The following SMOC1 variants were observed in gnomAD, a reference collection of about 807,000 sequenced individuals.
SMOC1 encodes the protein SPARC-related modular calcium-binding protein 1.
In SMOC1, 22 loss-of-function variants were observed where a neutral mutation model predicts 56.3. The observed-to-expected ratio is 0.39, with a 90% CI of 0.28 to 0.56. The LOEUF is 0.56. SMOC1 is among the 20% of genes least tolerant of loss of function. The pLI, the probability that SMOC1 is intolerant of heterozygous loss-of-function variation, is 0.61. For missense variants in SMOC1, 509 were observed against 565.4 expected, an observed-to-expected ratio of 0.90 and a Z score of 1.01; for synonymous variants, 193 against 215.0, an observed-to-expected ratio of 0.90 and a Z score of 0.89.
At chr14:69,999,188 CTCT>C (rs1884879938) in intron 7 of SMOC1, among the ~76,000 whole-genome samples, 1 of 152,182 alleles carries the variant, frequency 6.6e-6, no homozygotes, top group Non-Finnish European at 1.5e-5. Flanking sequence ...CAGAGTGCTG[CTCT>C]TCTAGGCCTG....
chr14:70,001,778 T>C (rs763454398), intron 7 of SMOC1, among the ~76,000 whole-genome samples: 65 of 152,342 alleles, frequency 4.3e-4, no homozygotes, highest in Non-Finnish European at 3.8e-4. Flanking sequence ...ATCTTCACAA[T>C]GACCCTGTGA....
intron 2 of SMOC1, among the ~76,000 whole-genome samples, 178 bp from the exon 3 acceptor site, chr14:69,953,242 A>AC (rs1240516680): frequency 6.6e-6 from 1 of 152,186 alleles, no homozygotes; most frequent in African/African-American, 2.4e-5. Context: ...TCTATGAATG[A>AC]CATACGGGGA....
chr14:69,970,579 C>A (rs973698679), intron 3 of SMOC1, among the ~76,000 whole-genome samples: 1 of 152,168 alleles, frequency 6.6e-6, no homozygotes, highest in African/African-American at 2.4e-5. Context: ...AATGCATAGA[C>A]CTTTGATGGT....
At chr14:69,910,170 T>C (rs979048319) in intron 1 of SMOC1, among the ~76,000 whole-genome samples, 1 of 152,268 alleles carries the variant, frequency 6.6e-6, no homozygotes, top group Non-Finnish European at 1.5e-5. Context: ...GTGTTTTACA[T>C]AGACTCTCAT....
chr14:70,030,427 C>A lies in SMOC1; in HGVS notation c.*169C>A. 2.9e-6 allele frequency: 2 copies of A among 691,082 alleles called. No homozygotes were observed. Among genetic ancestry groups the A allele is most frequent in the Non-Finnish European group, 4.8e-6 (2 of 418,806 alleles). The allele number at this position is 691,082 out of a possible 1,614,324, so 42.8% of individuals were successfully genotyped here. ...TACTTGCGTGTTTTGTTTTTGGTTT[C>A]ATTTTAAAACACCAATATCTAATAC... On this transcript the variant is annotated 3_prime_UTR_variant, in exon 12 of 12. Coordinates refer to ENST00000361956, the MANE Select transcript of SMOC1 (RefSeq NM_001034852.3).
At chr14:69,886,095 G>C in intron 1 of SMOC1, 1 of 1,569,002 alleles carries the variant, frequency 6.4e-7, no homozygotes, top group Non-Finnish European at 8.7e-7. Context: ...ACGACAGCTG[G>C]GGCCGGAGCC....
At chr14:69,891,862 G>A (rs986302410) in intron 1 of SMOC1, among the ~76,000 whole-genome samples, 4 of 152,042 alleles carry the variant, frequency 2.6e-5, no homozygotes, top group South Asian at 2.1e-4. Flanking sequence ...AGTATGACCC[G>A]CATAAAAATT....
chr14:69,910,435 A>G (rs935578892), intron 1 of SMOC1, among the ~76,000 whole-genome samples: 6 of 152,202 alleles, frequency 3.9e-5, no homozygotes, highest in Non-Finnish European at 8.8e-5. Flanking sequence ...CTTTCTGGAC[A>G]GGTTTTTATT....
chr14:69,975,285 G>C (rs945662093), intron 3 of SMOC1, among the ~76,000 whole-genome samples: 1 of 152,178 alleles, frequency 6.6e-6, no homozygotes, highest in African/African-American at 2.4e-5. Flanking sequence ...AGAGGGTGCA[G>C]TGAGCTGAGA....
chr14:69,986,216 A>T (rs975731375), intron 5 of SMOC1, among the ~76,000 whole-genome samples: 1 of 152,228 alleles, frequency 6.6e-6, no homozygotes, highest in Admixed American at 6.5e-5. Context: ...CATTATAGAG[A>T]TGGAGAACAG....
At chr14:69,973,338 C>A (rs1472599604) in intron 3 of SMOC1, among the ~76,000 whole-genome samples, 1 of 152,228 alleles carries the variant, frequency 6.6e-6, no homozygotes, top group Non-Finnish European at 1.5e-5. Flanking sequence ...ACTTCCTTAC[C>A]TTCAGGTTTC....
At chr14:69,984,756 G>A (rs10140592) in intron 5 of SMOC1, among the ~76,000 whole-genome samples, 6,968 of 151,670 alleles carry the variant, frequency 0.046, 365 homozygotes, top group African/African-American at 0.13. Flanking sequence ...TCAGGAGGCC[G>A]CGAGGCAGGA....
chr14:69,992,081 G>A (rs552362340), intron 5 of SMOC1, among the ~76,000 whole-genome samples: 1 of 152,076 alleles, frequency 6.6e-6, no homozygotes, highest in African/African-American at 2.4e-5. Context: ...GGGAGATACT[G>A]CCTCCCAGTT....
chr14:69,971,211 T>G (rs2139489607), intron 3 of SMOC1, among the ~76,000 whole-genome samples: 1 of 152,182 alleles, frequency 6.6e-6, no homozygotes. Context: ...AGAGACGGGG[T>G]TTCACCATGT....
chr14:70,024,830 A>G (rs1409326577), intron 11 of SMOC1, among the ~76,000 whole-genome samples: 1 of 152,220 alleles, frequency 6.6e-6, no homozygotes, highest in Non-Finnish European at 1.5e-5. Context: ...GAGAATTGAT[A>G]GTATCAGTTT....
intron 7 of SMOC1, among the ~76,000 whole-genome samples, chr14:69,999,330 C>A (rs936291389): frequency 6.6e-6 from 1 of 152,156 alleles, no homozygotes; most frequent in Non-Finnish European, 1.5e-5. Context: ...TCCCCACCCC[C>A]CAAGCCAGCA....
chr14:69,951,822 C>A (rs1032169612), intron 1 of SMOC1, among the ~76,000 whole-genome samples: 6 of 152,220 alleles, frequency 3.9e-5, no homozygotes, highest in Non-Finnish European at 1.5e-5. Flanking sequence ...CGTCTCTGGG[C>A]TTCAGTTTCC....
chr14:69,943,495 C>T (rs1449572765), intron 1 of SMOC1, among the ~76,000 whole-genome samples: 1 of 152,216 alleles, frequency 6.6e-6, no homozygotes, highest in Non-Finnish European at 1.5e-5. Flanking sequence ...TGGGAAACTA[C>T]TCTCCATTCC....
intron 10 of SMOC1, among the ~76,000 whole-genome samples, chr14:70,016,716 C>G (rs184100925): frequency 1.2e-4 from 18 of 152,326 alleles, no homozygotes; most frequent in Admixed American, 1.0e-3. Flanking sequence ...GTTCCAGGTA[C>G]TGGTTCTCCT....
Sources: gnomAD v4.1 joint callset for allele counts (sites outside exome capture counted in the v4.1 genomes callset) on GRCh38, gnomAD v4.1.1 for gene constraint, MANE v1.5 for transcripts, NCBI Gene and HGNC (gene_info 2026-07-23, HGNC 2026-07-21) for gene names.